NCKAP5: variants seen among roughly 807,000 people sequenced by gnomAD.
NCKAP5 encodes the protein nck-associated protein 5.
NCKAP5 carries 92 observed loss-of-function variants against 167.0 expected under a neutral mutation model. The ratio of observed to expected loss-of-function variants is 0.55; its 90% CI spans 0.47 to 0.66. The LOEUF is 0.66. NCKAP5 is among the 30% of genes least tolerant of loss of function. The probability of loss-of-function intolerance (pLI) is 0.00; values close to 1 mark genes in which losing one functional copy is unlikely to be tolerated. For synonymous variants in NCKAP5, 891 were observed against 877.4 expected (o/e 1.02, Z -0.27); for missense variants, 2,378 against 2,315.0 (o/e 1.03, Z -0.56).
chr2:133,520,498 T>C (rs1321207910), intron 2 of NCKAP5, among the ~76,000 whole-genome samples: 3 of 152,216 alleles, frequency 2.0e-5, no homozygotes, highest in South Asian at 2.1e-4. Flanking sequence ...TTTCTGATGA[T>C]TAATGAGACA....
At chr2:132,969,611 G>A (rs113321976) in intron 7 of NCKAP5, among the ~76,000 whole-genome samples, 20 of 152,196 alleles carry the variant, frequency 1.3e-4, no homozygotes, top group Non-Finnish European at 2.8e-4. Flanking sequence ...CTTCTAGCCT[G>A]CTGGAGGCAG....
At chr2:133,227,823 T>C (rs186321889) in intron 4 of NCKAP5, among the ~76,000 whole-genome samples, 2 of 152,300 alleles carry the variant, frequency 1.3e-5, no homozygotes, top group East Asian at 3.9e-4. Context: ...TTCTCCTGGT[T>C]GCAAGTAACA....
chr2:133,474,800 GTT>G (rs11448604), intron 3 of NCKAP5, among the ~76,000 whole-genome samples: 217 of 148,624 alleles, frequency 1.5e-3, no homozygotes, highest in African/African-American at 5.2e-3. Context: ...GAATTCTAGG[GTT>G]TTTTTTTTGT....
intron 1 of NCKAP5, among the ~76,000 whole-genome samples, chr2:133,559,548 C>T (rs1183701657): frequency 1.3e-5 from 2 of 152,078 alleles, no homozygotes; most frequent in East Asian, 3.9e-4. Context: ...GTCTTGAACT[C>T]CTGGCCTCAA....
At chr2:133,028,978 C>T (rs1016713363) in intron 6 of NCKAP5, among the ~76,000 whole-genome samples, 2 of 152,150 alleles carry the variant, frequency 1.3e-5, no homozygotes, top group African/African-American at 2.4e-5. Context: ...CTTTGCCTTC[C>T]GCCATGATTG....
chr2:133,642,726 T>C, the NCKAP5 span, among the ~76,000 whole-genome samples: 1 of 152,190 alleles, frequency 6.6e-6, no homozygotes, highest in Non-Finnish European at 1.5e-5. Flanking sequence ...GCAACCTCTA[T>C]AAAGTTGAGA....
intron 3 of NCKAP5, among the ~76,000 whole-genome samples, chr2:133,311,782 G>A (rs1352891666): frequency 6.6e-6 from 1 of 152,092 alleles, no homozygotes. Context: ...AGAACAAAAG[G>A]TTATCCTAGT....
At chr2:132,920,773 A>ATGTATGTATGTGTG (rs1175958033) in intron 8 of NCKAP5, among the ~76,000 whole-genome samples, 19 of 3,838 alleles carry the variant, frequency 5.0e-3, no homozygotes, top group African/African-American at 8.8e-3. Flanking sequence ...ATATGTATGT[A>ATGTATGTATGTGTG]TATATATATA....
At chr2:133,502,808 C>T (rs138651541) in intron 3 of NCKAP5, among the ~76,000 whole-genome samples, 16 of 152,276 alleles carry the variant, frequency 1.1e-4, no homozygotes, top group Middle Eastern at 6.8e-3. Flanking sequence ...GGAAATGAGG[C>T]GTTCAATGAA....
chr2:133,545,582 A>T (rs377106495), intron 2 of NCKAP5, among the ~76,000 whole-genome samples: 34 of 152,240 alleles, frequency 2.2e-4, no homozygotes, highest in African/African-American at 7.7e-4. Context: ...TCCAAGTCGA[A>T]TCTACCTCAG....
At chr2:132,677,156 A>G (rs1046707507) in intron 19 of NCKAP5, among the ~76,000 whole-genome samples, 1 of 152,138 alleles carries the variant, frequency 6.6e-6, no homozygotes, top group Non-Finnish European at 1.5e-5. Flanking sequence ...GATAAAATTA[A>G]TATACTACAT....
chr2:132,828,478 C>T (rs1445051951), intron 11 of NCKAP5, among the ~76,000 whole-genome samples: 2 of 152,134 alleles, frequency 1.3e-5, no homozygotes, highest in African/African-American at 4.8e-5. Flanking sequence ...GTAGGACATG[C>T]CTGCTTCCCT....
intron 5 of NCKAP5, among the ~76,000 whole-genome samples, chr2:133,159,241 G>A (rs1369156305): frequency 6.6e-6 from 1 of 152,116 alleles, no homozygotes; most frequent in Non-Finnish European, 1.5e-5. Flanking sequence ...AGGAGCTGAG[G>A]TTGGTCCCCG....
intron 5 of NCKAP5, among the ~76,000 whole-genome samples, chr2:133,185,786 C>T (rs1012667618): frequency 1.3e-5 from 2 of 151,918 alleles, no homozygotes; most frequent in East Asian, 3.9e-4. Flanking sequence ...TAAAGAAATG[C>T]CAGCAATTTT....
At chr2:133,528,267 T>C (rs1306461905) in intron 2 of NCKAP5, among the ~76,000 whole-genome samples, 3 of 152,120 alleles carry the variant, frequency 2.0e-5, no homozygotes, top group Non-Finnish European at 4.4e-5. Context: ...TCTTTTCTTC[T>C]GCTTAGAATT....
intron 16 of NCKAP5, among the ~76,000 whole-genome samples, chr2:132,757,376 G>C (rs1046977667): frequency 3.3e-5 from 5 of 152,164 alleles, no homozygotes; most frequent in African/African-American, 1.2e-4. Context: ...GCATGTCTAT[G>C]ACTCATTAAA....
At chr2:132,995,439 T>C (rs1461013550) in intron 6 of NCKAP5, among the ~76,000 whole-genome samples, 1 of 150,396 alleles carries the variant, frequency 6.6e-6, no homozygotes, top group Non-Finnish European at 1.5e-5. Flanking sequence ...TCACCTGAGG[T>C]CAGGAGTTTG....
intron 7 of NCKAP5, among the ~76,000 whole-genome samples, chr2:132,991,672 C>G (rs1173843140): frequency 6.6e-6 from 1 of 152,158 alleles, no homozygotes; most frequent in Non-Finnish European, 1.5e-5. Context: ...AACACTGCTA[C>G]CGCAGTGGAA....
At chr2:133,285,670 C>T (rs1031425904) in intron 4 of NCKAP5, among the ~76,000 whole-genome samples, 2 of 152,124 alleles carry the variant, frequency 1.3e-5, no homozygotes, top group African/African-American at 4.8e-5. Context: ...CATCACGATA[C>T]GAGAGCAACT....
Sources: gnomAD v4.1 joint callset for allele counts (sites outside exome capture counted in the v4.1 genomes callset) on GRCh38, gnomAD v4.1.1 for gene constraint, MANE v1.5 for transcripts, NCBI Gene and HGNC (gene_info 2026-07-23, HGNC 2026-07-21) for gene names.